FYN: variants seen among roughly 807,000 people sequenced by gnomAD.
FYN encodes FYN proto-oncogene, Src family tyrosine kinase.
Under a neutral mutation model 70.2 loss-of-function variants are expected in FYN, and 10 were observed. The ratio of observed to expected loss-of-function variants is 0.14; its 90% confidence interval spans 0.09 to 0.24. The LOEUF (loss-of-function observed/expected upper bound fraction) is 0.24, where lower values mean the gene tolerates loss of function less well. FYN is among the 10% of genes least tolerant of loss of function. FYN has a pLI of 1.00. For synonymous variants in FYN, 236 were observed against 248.6 expected (o/e 0.95, Z 0.48); for missense variants, 319 against 673.1 (o/e 0.47, Z 5.82).
intron 3 of FYN, among the ~76,000 whole-genome samples, chr6:111,745,176 T>C (rs1802151224): frequency 6.6e-6 from 1 of 152,204 alleles, no homozygotes; most frequent in South Asian, 2.1e-4. Flanking sequence ...CCATCATTCA[T>C]GGGCAAATAC....
intron 3 of FYN, among the ~76,000 whole-genome samples, chr6:111,732,868 G>C (rs918943615): frequency 6.6e-6 from 1 of 152,148 alleles, no homozygotes; most frequent in African/African-American, 2.4e-5. Flanking sequence ...GCCCCGGACA[G>C]CTTCACGGAG....
At chr6:111,682,239 T>G (rs1798809983) in intron 12 of FYN, among the ~76,000 whole-genome samples, 1 of 152,156 alleles carries the variant, frequency 6.6e-6, no homozygotes, top group Admixed American at 6.5e-5. Context: ...ACTAATAATT[T>G]TCTTCACTCT....
chr6:111,700,258 T>C lies in FYN; in HGVS notation c.708A>G (p.Ala236=). The stretch of plus-strand genomic sequence containing the variant: ...GAACTACTAGGCGGCAGCAGAGACC[T>C]GCAGCTCTCTCTGATGGAGCAGGGC... The part of the protein sequence containing the change: ...QLVQHYSERA[A]GLCCRLVVPC... The change falls in exon 9 of 14, where the codon GCA becomes GCG. Residue 236 remains alanine, a synonymous_variant. Coordinates refer to ENST00000354650, the MANE Select transcript of FYN (RefSeq NM_002037.5). 6.2e-7 allele frequency: 1 copy of C among 1,614,076 alleles called. No individual in the cohort carries two copies. The highest frequency in any genetic ancestry group is 8.5e-7 in the Non-Finnish European group (1 of 1,179,998).
chr6:111,699,617 GGGTAC>G, intron 9 of FYN: 1 of 1,614,028 alleles, frequency 6.2e-7, no homozygotes. Context: ...GAAGTTTGTG[GGGTAC>G]AACTCGATGC....
At chr6:111,691,576 C>T (rs902687896) in intron 12 of FYN, among the ~76,000 whole-genome samples, 3 of 152,166 alleles carry the variant, frequency 2.0e-5, no homozygotes. Flanking sequence ...AGTACACCAG[C>T]AGACACACAC....
intron 12 of FYN, among the ~76,000 whole-genome samples, chr6:111,678,844 A>G (rs2128415331): frequency 6.6e-6 from 1 of 152,254 alleles, no homozygotes; most frequent in Admixed American, 6.5e-5. Flanking sequence ...GAAGGAGGTC[A>G]ATACATCTTT....
rs1040551563 is a variant in FYN at position 111,710,984 on chromosome 6, T to C, written c.345-2964A>G. Among the ~76,000 whole-genome samples the C allele has an allele frequency of 5.3e-5, 8 of 152,204 alleles. 1 individual carries two copies. Among genetic ancestry groups the C allele is most frequent in the Non-Finnish European group, 1.2e-4 (8 of 68,036 alleles). On this transcript the variant is annotated intron_variant, in intron 5 of 13. Transcript: ENST00000354650. ...CCTGGCGCTGGTTTAGAATGGCTTT[T>C]AAGGTTTTATAACAGCTGTCTCTGT...
At chr6:111,785,083 A>G (rs1310526221) in intron 2 of FYN, among the ~76,000 whole-genome samples, 4 of 152,228 alleles carry the variant, frequency 2.6e-5, no homozygotes, top group Non-Finnish European at 5.9e-5. Context: ...TGACTTGATG[A>G]AGAAACGTGC....
intron 3 of FYN, among the ~76,000 whole-genome samples, chr6:111,749,226 C>T (rs1802380539): frequency 1.3e-5 from 2 of 152,176 alleles, no homozygotes; most frequent in Non-Finnish European, 2.9e-5. Context: ...TTAATATTTG[C>T]TCAATATTCA....
intron 3 of FYN, among the ~76,000 whole-genome samples, chr6:111,761,957 C>T (rs1583418694): frequency 6.6e-6 from 1 of 152,182 alleles, no homozygotes; most frequent in South Asian, 2.1e-4. Context: ...GCAGGACCTG[C>T]ATTACATCAT....
intron 2 of FYN, among the ~76,000 whole-genome samples, chr6:111,809,933 T>C (rs1251291309): frequency 6.6e-6 from 1 of 152,218 alleles, no homozygotes; most frequent in Non-Finnish European, 1.5e-5. Context: ...TAATACTAAG[T>C]ACACCTCATG....
At chr6:111,764,213 A>T (rs1403494521) in intron 3 of FYN, among the ~76,000 whole-genome samples, 2 of 120,626 alleles carry the variant, frequency 1.7e-5, no homozygotes, top group Non-Finnish European at 3.6e-5. Flanking sequence ...GGATTTTGTC[A>T]AGCAAAAAAA....
intron 3 of FYN, 38 bp downstream of exon 3, chr6:111,780,528 C>T (rs1771135163): frequency 6.6e-6 from 1 of 152,624 alleles, no homozygotes; most frequent in Non-Finnish European, 1.5e-5. Context: ...CACCCTTTTA[C>T]AGCAAGAGGC....
intron 12 of FYN, among the ~76,000 whole-genome samples, chr6:111,687,150 T>C (rs777294014): frequency 1.8e-4 from 27 of 152,240 alleles, no homozygotes; most frequent in Non-Finnish European, 3.1e-4. Context: ...ATGTTTTCTA[T>C]GAAAGAATGT....
intron 2 of FYN, among the ~76,000 whole-genome samples, chr6:111,831,125 G>A (rs958713530): frequency 6.6e-6 from 1 of 152,088 alleles, no homozygotes; most frequent in Admixed American, 6.5e-5. Context: ...GCTTTCATCT[G>A]ATCCTCAAAA....
chr6:111,763,306 CT>C (rs1803083718), intron 3 of FYN, among the ~76,000 whole-genome samples: 1 of 152,222 alleles, frequency 6.6e-6, no homozygotes, highest in South Asian at 2.1e-4. Context: ...TCAGGACCCC[CT>C]GAAGCTATGT....
intron 3 of FYN, among the ~76,000 whole-genome samples, chr6:111,755,818 A>G (rs185430612): frequency 1.3e-5 from 2 of 152,312 alleles, no homozygotes; most frequent in Admixed American, 1.3e-4. Flanking sequence ...CAACATTCTT[A>G]TAACTGAGTG....
intron 3 of FYN, among the ~76,000 whole-genome samples, chr6:111,754,115 C>T (rs754481392): frequency 5.3e-5 from 8 of 152,090 alleles, no homozygotes; most frequent in East Asian, 1.9e-4. Flanking sequence ...AGACAGAGCC[C>T]GGTCAGAAGG....
intron 12 of FYN, among the ~76,000 whole-genome samples, chr6:111,686,787 A>G (rs1411136725): frequency 6.6e-6 from 1 of 152,214 alleles, no homozygotes; most frequent in Non-Finnish European, 1.5e-5. Flanking sequence ...TCTCACGGCG[A>G]GATCAGCCTT....
Sources: gnomAD v4.1 joint callset for allele counts (sites outside exome capture counted in the v4.1 genomes callset) on GRCh38, gnomAD v4.1.1 for gene constraint, MANE v1.5 for transcripts, NCBI Gene and HGNC (gene_info 2026-07-23, HGNC 2026-07-21) for gene names.